The following CDH23 variants were observed in gnomAD, a reference collection of about 807,000 sequenced individuals.
The protein encoded by CDH23 is cadherin-23.
A neutral mutation model predicts 317.1 loss-of-function variants in CDH23; 189 were observed. The ratio of observed to expected loss-of-function variants is 0.60; its 90% CI spans 0.53 to 0.67. The LOEUF is 0.67. CDH23 is among the 30% of genes least tolerant of loss of function. The pLI, the probability that CDH23 is intolerant of heterozygous loss-of-function variation, is 0.00. For missense variants in CDH23, 4,401 were observed against 4,592.4 expected, an observed-to-expected ratio of 0.96 and a Z score of 1.20; for synonymous variants, 1,839 against 1,876.8, an observed-to-expected ratio of 0.98 and a Z score of 0.52.
At chr10:71,778,063 G>A (rs1836003936) in intron 39 of CDH23, 126 bp from the exon 40 acceptor site, 1 of 1,470,826 alleles carries the variant, frequency 6.8e-7, no homozygotes, top group Non-Finnish European at 9.3e-7. Context: ...GTGGAGCCTG[G>A]GCTAGGGGGT....
chr10:71,402,747 ACG>A (rs1491142017), intron 1 of CDH23, among the ~76,000 whole-genome samples: 59 of 136,170 alleles, frequency 4.3e-4, no homozygotes, highest in African/African-American at 1.2e-3. Flanking sequence ...GTGTGTGTGC[ACG>A]CGCGCGCGCG....
intron 38 of CDH23, chr10:71,755,307 G>A: frequency 6.7e-7 from 1 of 1,497,170 alleles, no homozygotes; most frequent in East Asian, 2.3e-5. Flanking sequence ...ACTGGGGGCT[G>A]GAGCAGGTCA....
chr10:71,639,793 A>G (rs1273865115), intron 11 of CDH23, among the ~76,000 whole-genome samples: 1 of 152,148 alleles, frequency 6.6e-6, no homozygotes, highest in Non-Finnish European at 1.5e-5. Context: ...GCAGCACAGG[A>G]CTGCGATCAG....
At chr10:71,688,941 CCAACGGTGGTGGAGT>C (rs1865044503) in intron 19 of CDH23, among the ~76,000 whole-genome samples, 2 of 78,238 alleles carry the variant, frequency 2.6e-5, no homozygotes, top group African/African-American at 3.9e-5. Context: ...GGTGGTGGAG[CCAACGGTGGTGGAGT>C]CAGGGGTGGT....
At chr10:71,753,978 G>T in intron 38 of CDH23, 1 of 431,488 alleles carries the variant, frequency 2.3e-6, no homozygotes, top group Non-Finnish European at 4.7e-6. Context: ...GGGAAACTGA[G>T]GCTCAGTCCA....
At chr10:71,663,525 A>G (rs1480832820) in intron 14 of CDH23, among the ~76,000 whole-genome samples, 1 of 152,080 alleles carries the variant, frequency 6.6e-6, no homozygotes, top group African/African-American at 2.4e-5. Flanking sequence ...CCCTGTCTAC[A>G]CCATCCTTGG....
At position 71,741,784 on chromosome 10, in the gene CDH23, G is replaced by A; in HGVS notation, c.4708G>A (p.Gly1570Ser). The change falls in exon 38 of 70, where the codon GGC becomes AGC. Residue 1570 changes from glycine (G) to serine (S), a missense_variant. By Grantham distance (56) the Gly-to-Ser change is moderately conservative (BLOSUM62 0). This residue lies in a region of CDH23 where 3,068 missense variants were observed against 3,203.3 expected (regional missense o/e 0.96). Transcript: ENST00000224721. Reference protein sequence around the residue: ...NSVLSYYITEGNKDMAFRMDR... With the variant: ...NSVLSYYITESNKDMAFRMDR... ...TGTTCTGTCCTACTACATCACCGAGGGCAACAAGGACATGGCCTTCCGCAT... is the reference window on the plus strand; with the variant it reads ...TGTTCTGTCCTACTACATCACCGAGAGCAACAAGGACATGGCCTTCCGCAT... 6.2e-7 allele frequency: 1 copy of A among 1,612,900 alleles called. No homozygotes were observed. The highest frequency in any genetic ancestry group is 8.5e-7 in the Non-Finnish European group (1 of 1,179,532).
At chr10:71,723,558 T>G (rs1398926153) in intron 28 of CDH23, among the ~76,000 whole-genome samples, 1 of 152,144 alleles carries the variant, frequency 6.6e-6, no homozygotes, top group African/African-American at 2.4e-5. Flanking sequence ...CTCCTGGGCT[T>G]CCACGAAGTG....
intron 9 of CDH23, among the ~76,000 whole-genome samples, chr10:71,583,656 C>G (rs7083996): frequency 1 from 152,274 of 152,290 alleles, 76,129 homozygotes; most frequent in Middle Eastern, 1. Flanking sequence ...CTCTTCTTGC[C>G]GCCCACATCC....
At chr10:71,622,555 T>C (rs536838343) in intron 11 of CDH23, among the ~76,000 whole-genome samples, 31 of 152,226 alleles carry the variant, frequency 2.0e-4, no homozygotes, top group African/African-American at 7.0e-4. Flanking sequence ...CATCCACACC[T>C]CTGGGTGCCT....
At chr10:71,716,135 C>T (rs914629702) in intron 28 of CDH23, 35 of 1,549,830 alleles carry the variant, frequency 2.3e-5, no homozygotes, top group African/African-American at 2.7e-5. Context: ...AGCCCTGCGG[C>T]GGCTCGGGTC....
chr10:71,428,651 C>T (rs1048477318), intron 1 of CDH23, among the ~76,000 whole-genome samples: 7 of 151,720 alleles, frequency 4.6e-5, no homozygotes, highest in African/African-American at 1.5e-4. Flanking sequence ...TGCAGTGGCG[C>T]GATCTCAGCT....
intron 38 of CDH23, among the ~76,000 whole-genome samples, chr10:71,744,824 TG>T (rs1331181112): frequency 6.6e-6 from 1 of 152,228 alleles, no homozygotes; most frequent in Admixed American, 6.5e-5. Context: ...CTTCCTGGGC[TG>T]AACCATGATG....
chr10:71,742,501 C>T (rs1333066395), intron 38 of CDH23, among the ~76,000 whole-genome samples: 1 of 152,210 alleles, frequency 6.6e-6, no homozygotes, highest in East Asian at 1.9e-4. Context: ...TTGTGGTCCT[C>T]AAGGGCTGGA....
chr10:71,796,041 A>G, intron 48 of CDH23: 1 of 986,950 alleles, frequency 1.0e-6, no homozygotes, highest in Non-Finnish European at 1.2e-6. Context: ...GAGCGAGAGT[A>G]GGAAGAGGAG....
At chr10:71,755,085 A>G (rs553252861) in intron 38 of CDH23, 3 of 600,592 alleles carry the variant, frequency 5.0e-6, no homozygotes, top group African/African-American at 3.6e-5. Context: ...GAGCTACTGC[A>G]TATGATCATT....
intron 6 of CDH23, among the ~76,000 whole-genome samples, chr10:71,517,003 T>G (rs371602970): frequency 6.6e-6 from 1 of 152,312 alleles, no homozygotes; most frequent in East Asian, 1.9e-4. Flanking sequence ...TGGTCATCTG[T>G]GCATCCTCAG....
rs1301659624 is a variant in CDH23, at chr10:71,790,279, C to T, written c.5924-9C>T. ...TGGTCTTGTGGTGACCCCTCTCCTT[C>T]TGGCCCAGGCACCCCTCTCACGGTG... On this transcript the variant is annotated splice_polypyrimidine_tract_variant and intron_variant, in intron 45 of 69. Transcript: ENST00000224721. 8.1e-6 allele frequency: 13 copies of T among 1,613,432 alleles called. No individual in the cohort carries two copies. In the East Asian group the frequency reaches 2.9e-4, roughly 36 times the overall value.
intron 3 of CDH23, among the ~76,000 whole-genome samples, chr10:71,457,554 G>A (rs1440227720): frequency 2.0e-5 from 3 of 152,178 alleles, no homozygotes; most frequent in African/African-American, 7.2e-5. Context: ...AGTGGCCAAG[G>A]GTCCACATGG....
Sources: gnomAD v4.1 joint callset for allele counts (sites outside exome capture counted in the v4.1 genomes callset) on GRCh38, gnomAD v4.1.1 for gene constraint, gnomAD v4.1.1 regional missense constraint, MANE v1.5 for transcripts, NCBI Gene and HGNC (gene_info 2026-07-23, HGNC 2026-07-21) for gene names.